The following SLC17A6 variants were observed in gnomAD, a reference collection of about 807,000 sequenced individuals.
SLC17A6 encodes vesicular glutamate transporter 2.
In SLC17A6, 35 loss-of-function variants were observed where a neutral mutation model predicts 67.1. The observed-to-expected ratio is 0.52, with a 90% confidence interval of 0.40 to 0.69. The LOEUF is 0.69. Ranked by LOEUF, SLC17A6 falls within the 30% of genes least tolerant of loss-of-function variation. The pLI is 0.00. For synonymous variants in SLC17A6, 285 were observed against 252.3 expected (o/e 1.13, Z -1.23); for missense variants, 588 against 723.9 (o/e 0.81, Z 2.15).
intron 10 of SLC17A6, 116 bp from the exon 11 acceptor site, chr11:22,376,429 T>C (rs1377033457): frequency 8.9e-7 from 1 of 1,122,802 alleles, no homozygotes; most frequent in Non-Finnish European, 1.3e-6. Context: ...CACAAAGTAA[T>C]TAAGCACGTG....
intron 3 of SLC17A6, among the ~76,000 whole-genome samples, chr11:22,358,972 A>ATTATTTCCAGTAACTCTTCAG (rs1175293071): frequency 1.1e-4 from 16 of 152,316 alleles, no homozygotes; most frequent in African/African-American, 3.6e-4. Context: ...TTATGCATTC[A>ATTATTTCCAGTAACTCTTCAG]TTATTTCCAG....
rs571316158 is a variant in SLC17A6, at chr11:22,338,762, C to T, written c.86+143C>T. On this transcript the variant is annotated intron_variant, in intron 1 of 11. Coordinates refer to ENST00000263160, the MANE Select transcript of SLC17A6 (RefSeq NM_020346.3). ...GCCCATTGCTTGGAGCGGGGGTGCT[C>T]TGGAAACCTGCTTATTAATGCAGGA... The T allele has an allele frequency of 4.6e-5, 29 of 635,504 alleles. No individual in the cohort carries two copies. The African/African-American group carries it at 5.0e-4, about 11-fold the overall frequency. The allele number at this position is 635,504 out of a possible 1,614,324, so 39.4% of individuals were successfully genotyped here.
chr11:22,369,296 T>G (rs1856147169), intron 7 of SLC17A6, among the ~76,000 whole-genome samples: 3 of 151,982 alleles, frequency 2.0e-5, no homozygotes, highest in Admixed American at 2.0e-4. Context: ...TAGGTTTAAT[T>G]TTTTAAAGGG....
chr11:22,352,545 G>T (rs1350649209), intron 3 of SLC17A6, among the ~76,000 whole-genome samples: 1 of 152,166 alleles, frequency 6.6e-6, no homozygotes, highest in African/African-American at 2.4e-5. Context: ...AAAAAGAATT[G>T]GATGCTCATT....
chr11:22,357,258 G>T (rs1438426487), intron 3 of SLC17A6, among the ~76,000 whole-genome samples: 5 of 152,194 alleles, frequency 3.3e-5, no homozygotes, highest in Non-Finnish European at 5.9e-5. Flanking sequence ...TCTCTGGGTT[G>T]TTAGGTGCTT....
rs1855816017 is a variant in SLC17A6 at position 22,341,560 on chromosome 11, C to A, written c.119C>A (p.Thr40Lys). Residue 40 changes from threonine to lysine, a missense_variant, in exon 2 of 12, where the codon ACA becomes AAA. By Grantham distance (78) the Thr-to-Lys change is moderately conservative. Coordinates refer to ENST00000263160, the MANE Select transcript of SLC17A6 (RefSeq NM_020346.3). ...VLEKKQDTGE[T>K]IELTEDGKPL... ...GAGAAGAAGCAAGACACCGGGGAGA[C>A]AATCGAGCTGACGGAGGATGGGAAG... 1 of 1,613,986 alleles carries A rather than the reference C, an allele frequency of 6.2e-7. No individual in the cohort carries two copies. Among genetic ancestry groups the A allele is most frequent in the Non-Finnish European group, 8.5e-7 (1 of 1,180,028 alleles).
intron 4 of SLC17A6, among the ~76,000 whole-genome samples, chr11:22,359,889 A>G (rs1317100942): frequency 6.6e-6 from 1 of 152,152 alleles, no homozygotes; most frequent in Non-Finnish European, 1.5e-5. Flanking sequence ...TTTTATACTA[A>G]GTAAGTTCCT....
chr11:22,366,614 T>C (rs1340206659), intron 7 of SLC17A6, among the ~76,000 whole-genome samples: 1 of 152,228 alleles, frequency 6.6e-6, no homozygotes, highest in Non-Finnish European at 1.5e-5. Flanking sequence ...AACATAGTTC[T>C]ATTTCAATAA....
At chr11:22,366,732 C>G (rs1469140996) in intron 7 of SLC17A6, among the ~76,000 whole-genome samples, 1 of 152,044 alleles carries the variant, frequency 6.6e-6, no homozygotes, top group Non-Finnish European at 1.5e-5. Flanking sequence ...TGGCTGGGCA[C>G]GGTGGCTCAC....
intron 6 of SLC17A6, among the ~76,000 whole-genome samples, chr11:22,365,047 TTGTC>T (rs1357440084): frequency 6.6e-6 from 1 of 152,160 alleles, no homozygotes; most frequent in African/African-American, 2.4e-5. Flanking sequence ...TTTTATTTAA[TTGTC>T]TGTTTGCCAG....
chr11:22,365,352 C>A (rs1006212949), intron 6 of SLC17A6, among the ~76,000 whole-genome samples, 195 bp from the exon 7 acceptor site: 2 of 152,148 alleles, frequency 1.3e-5, no homozygotes, highest in Admixed American at 6.5e-5. Context: ...GGAGATAAAA[C>A]CACAGGACTG....
chr11:22,341,431 C>T (rs1325915426), intron 1 of SLC17A6, 97 bp from the exon 2 acceptor site: 1 of 1,521,492 alleles, frequency 6.6e-7, no homozygotes. Flanking sequence ...CGACGGCCCT[C>T]CTCCCAACCC....
chr11:22,341,181 C>T (rs1179988735), intron 1 of SLC17A6, among the ~76,000 whole-genome samples: 1 of 152,188 alleles, frequency 6.6e-6, no homozygotes, highest in Non-Finnish European at 1.5e-5. Context: ...CCCCTGCCCT[C>T]ACAAAATGCA....
intron 8 of SLC17A6, among the ~76,000 whole-genome samples, chr11:22,371,256 A>C (rs142400455): frequency 6.6e-6 from 1 of 152,028 alleles, no homozygotes; most frequent in African/African-American, 2.4e-5. Context: ...TGGTCTTGCT[A>C]TCTCTCTTCA....
chr11:22,350,340 G>A (rs975018096), intron 3 of SLC17A6, among the ~76,000 whole-genome samples: 4 of 151,968 alleles, frequency 2.6e-5, no homozygotes, highest in African/African-American at 7.3e-5. Context: ...ATTTCATACT[G>A]TAAAAGAAGG....
chr11:22,346,441 A>G (rs1454692906), intron 3 of SLC17A6, among the ~76,000 whole-genome samples: 1 of 152,148 alleles, frequency 6.6e-6, no homozygotes, highest in Non-Finnish European at 1.5e-5. Flanking sequence ...AGGAGTTGGA[A>G]GAGTCAGGAG....
rs1199014653 is a variant in SLC17A6 at position 22,378,487 on chromosome 11, C to CA, written c.*753dup. 2.0e-5 allele frequency: 3 copies of CA among 151,432 alleles called. No homozygotes were observed. The highest frequency in any genetic ancestry group is 1.3e-4 in the Admixed American group (2 of 15,164). The allele number at this position is 151,432 out of a possible 1,614,324, so 9.4% of individuals were successfully genotyped here. On this transcript the variant is annotated 3_prime_UTR_variant, in exon 12 of 12. Transcript: ENST00000263160. Reference sequence around the variant, plus strand: ...TGTAGCGTATCACATAACTTTTTTGCAAAAAATATAAAAAGAAATAAACTT... The same window carrying CA: ...TGTAGCGTATCACATAACTTTTTTGCAAAAAAATATAAAAAGAAATAAACTT...
intron 3 of SLC17A6, among the ~76,000 whole-genome samples, chr11:22,359,035 G>A (rs980371715): frequency 7.2e-5 from 11 of 152,084 alleles, no homozygotes; most frequent in African/African-American, 2.7e-4. Flanking sequence ...AAGTGTCAAG[G>A]ATACAATGGA....
intron 1 of SLC17A6, among the ~76,000 whole-genome samples, chr11:22,339,073 AT>A (rs1650515034): frequency 1.8e-5 from 2 of 111,632 alleles, no homozygotes; most frequent in South Asian, 6.3e-4. Context: ...ATATATATAT[AT>A]ATGTTATATA....
Sources: gnomAD v4.1 joint callset for allele counts (sites outside exome capture counted in the v4.1 genomes callset) on GRCh38, gnomAD v4.1.1 for gene constraint, MANE v1.5 for transcripts, NCBI Gene and HGNC (gene_info 2026-07-23, HGNC 2026-07-21) for gene names.